APIP: variants seen among roughly 807,000 people sequenced by gnomAD.
The protein encoded by APIP is methylthioribulose-1-phosphate dehydratase.
APIP carries 32 observed loss-of-function variants against 32.0 expected under a neutral mutation model. The observed-to-expected ratio is 1.00, with a 90% CI of 0.76 to 1.34. The LOEUF is 1.34. APIP is among the 40% of genes most tolerant of loss of function. The probability of loss-of-function intolerance (pLI) is 0.00; values close to 1 mark genes in which losing one functional copy is unlikely to be tolerated. For missense variants in APIP, 247 were observed against 298.6 expected (o/e 0.83, Z 1.27); for synonymous variants, 92 against 94.8 (o/e 0.97, Z 0.17).
intron 1 of APIP, among the ~76,000 whole-genome samples, chr11:34,903,143 T>C: frequency 6.6e-6 from 1 of 152,204 alleles, no homozygotes; most frequent in Non-Finnish European, 1.5e-5. Flanking sequence ...CTTGTTCTCA[T>C]CTAAATCCAG....
At chr11:34,896,543 A>G (rs930120643) in intron 1 of APIP, among the ~76,000 whole-genome samples, 1 of 152,146 alleles carries the variant, frequency 6.6e-6, no homozygotes, top group Admixed American at 6.5e-5. Flanking sequence ...GGACACAGGG[A>G]GGGGAAAATC....
At chr11:34,905,714 A>G (rs915508270) in intron 1 of APIP, among the ~76,000 whole-genome samples, 5 of 152,218 alleles carry the variant, frequency 3.3e-5, no homozygotes, top group African/African-American at 1.2e-4. Context: ...TTCAGAATCT[A>G]GCCTCTCATT....
rs191529676 is a variant in APIP, at chr11:34,895,726, G to A, written c.58-616C>T. Among the ~76,000 whole-genome samples, 128 of 143,550 alleles carry A rather than the reference G, an allele frequency of 8.9e-4. 1 individual carries two copies. The South Asian group carries it at 9.3e-3, about 10-fold the overall frequency. The allele number at this position is 143,550 out of a possible 152,430, so 94.2% of individuals were successfully genotyped here. On this transcript the variant is annotated intron_variant, in intron 1 of 6. Coordinates refer to ENST00000395787, the MANE Select transcript of APIP (RefSeq NM_015957.4). ...TGCTTAACCCATTTTATGAAGATACGTGTTTATGAGTGTATGTGTGTGTAT... is the reference window on the plus strand; with the variant it reads ...TGCTTAACCCATTTTATGAAGATACATGTTTATGAGTGTATGTGTGTGTAT...
chr11:34,899,387 A>C (rs1220325345), intron 1 of APIP, among the ~76,000 whole-genome samples: 2 of 152,212 alleles, frequency 1.3e-5, no homozygotes, highest in Non-Finnish European at 2.9e-5. Context: ...TTGTCCCATC[A>C]GCAGGAAAAT....
chr11:34,900,425 G>A (rs1355923881), intron 1 of APIP, among the ~76,000 whole-genome samples: 1 of 152,056 alleles, frequency 6.6e-6, no homozygotes, highest in Non-Finnish European at 1.5e-5. Context: ...TGATGGGAAT[G>A]GTGCCATGAG....
At chr11:34,905,318 G>A (rs1308085556) in intron 1 of APIP, among the ~76,000 whole-genome samples, 1 of 152,038 alleles carries the variant, frequency 6.6e-6, no homozygotes, top group Admixed American at 6.5e-5. Context: ...CTAATTGTTG[G>A]GTCTGTCCTA....
intron 1 of APIP, among the ~76,000 whole-genome samples, chr11:34,914,421 T>C (rs950780651): frequency 6.6e-6 from 1 of 152,220 alleles, no homozygotes; most frequent in Admixed American, 6.5e-5. Context: ...CCATTGCCCA[T>C]GACCCCCTAA....
chr11:34,914,856 T>C (rs1297348052), intron 1 of APIP, among the ~76,000 whole-genome samples: 1 of 151,644 alleles, frequency 6.6e-6, no homozygotes, highest in African/African-American at 2.4e-5. Flanking sequence ...ATACAAAAAT[T>C]AACTGGGTGT....
chr11:34,915,656 G>T (rs987258439), intron 1 of APIP, among the ~76,000 whole-genome samples: 1 of 152,188 alleles, frequency 6.6e-6, no homozygotes, highest in African/African-American at 2.4e-5. Flanking sequence ...CAGCGTGAGG[G>T]TGGATTTCCC....
intron 1 of APIP, among the ~76,000 whole-genome samples, chr11:34,907,648 A>G (rs1245112229): frequency 2.6e-5 from 4 of 152,206 alleles, no homozygotes; most frequent in African/African-American, 9.6e-5. Flanking sequence ...GAAAGGTTCA[A>G]TTGGTATCTA....
At chr11:34,896,847 T>C (rs1389599392) in intron 1 of APIP, 33 of 1,276,074 alleles carry the variant, frequency 2.6e-5, no homozygotes, top group Non-Finnish European at 3.2e-5. Flanking sequence ...TTGATAGCCA[T>C]GTAAGCCACT....
chr11:34,899,461 C>T (rs1853340518), intron 1 of APIP, among the ~76,000 whole-genome samples: 1 of 152,170 alleles, frequency 6.6e-6, no homozygotes, highest in African/African-American at 2.4e-5. Flanking sequence ...TAGTACTGAG[C>T]TAGTAAGGGG....
At chr11:34,915,873 T>C in intron 1 of APIP, 2 of 346,640 alleles carry the variant, frequency 5.8e-6, no homozygotes, top group Non-Finnish European at 1.0e-5. Flanking sequence ...GGGCGCGGTC[T>C]TCGCCCCAGC....
At chr11:34,916,190 C>A in intron 1 of APIP, 38 bp downstream of exon 1, 1 of 1,598,302 alleles carries the variant, frequency 6.3e-7, no homozygotes, top group East Asian at 2.3e-5. Context: ...TGGGCCTCTC[C>A]TCCTGGGAAT....
intron 4 of APIP, 101 bp downstream of exon 4, chr11:34,888,651 A>T (rs1469941026): frequency 8.6e-7 from 1 of 1,156,880 alleles, no homozygotes; most frequent in African/African-American, 1.6e-5. Flanking sequence ...GTTCTTGCAC[A>T]TGGTGGGTAT....
chr11:34,896,807 G>A, intron 1 of APIP: 2 of 1,288,280 alleles, frequency 1.6e-6, no homozygotes, highest in Non-Finnish European at 1.0e-6. Context: ...TGAAGGTATT[G>A]CAAAACTCTG....
intron 1 of APIP, among the ~76,000 whole-genome samples, chr11:34,913,202 G>A (rs7924409): frequency 0.19 from 28,638 of 151,974 alleles, 3,812 homozygotes; most frequent in African/African-American, 0.39. Context: ...GCCTTCTTCA[G>A]TCATCCTGCT....
Position 34,882,823 on chromosome 11 carries a change from A to G in APIP, c.630-7T>C, listed in dbSNP as rs1852988978. The G allele has an allele frequency of 6.3e-7, 1 of 1,576,842 alleles. No homozygotes were observed. The highest frequency in any genetic ancestry group is 1.4e-5 in the African/African-American group (1 of 73,706). The stretch of plus-strand genomic sequence containing the variant: ...ATAGTCATAACACTCACACCTGTAA[A>G]AGAAAAAGCAAAAAGAACCAGTGTT... On this transcript the variant is annotated splice_polypyrimidine_tract_variant and splice_region_variant and intron_variant, in intron 6 of 6. Transcript: ENST00000395787.
In APIP at chr11:34,883,385, CG is replaced by C; in HGVS notation, c.580del (p.Arg194ValfsTer31). 6.2e-7 allele frequency: 1 copy of C among 1,613,682 alleles called. No homozygotes were observed. The highest frequency in any genetic ancestry group is 8.5e-7 in the Non-Finnish European group (1 of 1,179,866). On this transcript the variant is annotated frameshift_variant, in exon 6 of 7. Transcript: ENST00000395787. LOFTEE classifies it high-confidence loss of function. ...TTCCCCCCACACATATACTCCATGACGTCTGACCAGTACTGCACAGGAGTCT... is the reference window on the plus strand; with the variant it reads ...TTCCCCCCACACATATACTCCATGACTCTGACCAGTACTGCACAGGAGTCT... Reference protein sequence around the residue: ...YPDSCAVLVRRHGVYVWGETW... With the variant: ...YPDSCAVLVRXHGVYVWGETW...
Sources: allele counts gnomAD v4.1 joint callset (sites outside exome capture counted in the v4.1 genomes callset), GRCh38; gene constraint gnomAD v4.1.1; transcripts MANE v1.5; gene names NCBI Gene and HGNC (gene_info 2026-07-23, HGNC 2026-07-21).